Variants in ABCA1 observed in about 807,000 individuals in gnomAD.
The protein encoded by ABCA1 is phospholipid-transporting ATPase ABCA1.
ABCA1 carries 133 observed loss-of-function variants against 262.5 expected under a neutral mutation model. The ratio of observed to expected loss-of-function variants is 0.51; its 90% CI spans 0.44 to 0.59. The LOEUF is 0.59. Ranked by LOEUF, ABCA1 falls within the 20% of genes least tolerant of loss-of-function variation. The pLI is 0.00. For missense variants in ABCA1, 2,452 were observed against 2,777.5 expected (o/e 0.88, Z 2.63); for synonymous variants, 1,022 against 1,043.5 (o/e 0.98, Z 0.40).
chr9:104,826,599 G>C (rs906224443), intron 16 of ABCA1, among the ~76,000 whole-genome samples: 6 of 152,188 alleles, frequency 3.9e-5, no homozygotes, highest in Admixed American at 6.5e-5. Flanking sequence ...TTTGTCATGA[G>C]CTTAACATAG....
intron 20 of ABCA1, 98 bp downstream of exon 20, chr9:104,821,275 AAC>A: frequency 6.6e-7 from 1 of 1,516,980 alleles, no homozygotes; most frequent in South Asian, 1.2e-5. Context: ...AAAAAACAAA[AAC>A]ACAGCAAAGT....
rs149163343 is a variant in ABCA1 at position 104,924,941 on chromosome 9, G to A, written c.-93+2994C>T. 2.7e-3 allele frequency among the ~76,000 whole-genome samples: 417 copies of A among 152,304 alleles called. 3 individuals carry two copies. Among genetic ancestry groups the A allele is most frequent in the African/African-American group, 9.6e-3 (398 of 41,566 alleles). On this transcript the variant is annotated intron_variant, in intron 1 of 49. Coordinates refer to ENST00000374736, the MANE Select transcript of ABCA1 (RefSeq NM_005502.4). Reference sequence around the variant, plus strand: ...AAAGCTAAGTCACTGAACTTCTTCAGTTTCATTCATTTTTTTATGTTTACA... The same window carrying A: ...AAAGCTAAGTCACTGAACTTCTTCAATTTCATTCATTTTTTTATGTTTACA...
intron 2 of ABCA1, among the ~76,000 whole-genome samples, chr9:104,890,474 G>A (rs1839618451): frequency 6.6e-6 from 1 of 152,124 alleles, no homozygotes; most frequent in African/African-American, 2.4e-5. Flanking sequence ...CCAGGTACTT[G>A]GGAGGCTGAG....
chr9:104,857,052 C>G (rs769177394), intron 7 of ABCA1, among the ~76,000 whole-genome samples: 1 of 152,106 alleles, frequency 6.6e-6, no homozygotes, highest in Admixed American at 6.5e-5. Context: ...TGCCTTTAAT[C>G]CCAACACTTT....
At chr9:104,796,446 T>C (rs1829904109) in intron 37 of ABCA1, 22 bp from the exon 38 acceptor site, 3 of 1,580,494 alleles carry the variant, frequency 1.9e-6, no homozygotes, top group Non-Finnish European at 2.6e-6. Context: ...AACAAAGACA[T>C]CCAGTTCACC....
intron 1 of ABCA1, among the ~76,000 whole-genome samples, chr9:104,924,802 T>C (rs1409540972): frequency 6.6e-6 from 1 of 152,134 alleles, no homozygotes; most frequent in Non-Finnish European, 1.5e-5. Context: ...ACTACATATA[T>C]AGCTTAAGTA....
chr9:104,846,181 C>A (rs1834858167), intron 7 of ABCA1, among the ~76,000 whole-genome samples: 2 of 152,060 alleles, frequency 1.3e-5, no homozygotes, highest in South Asian at 4.2e-4. Flanking sequence ...TTCATTAGAA[C>A]AGGGAAAAGA....
At position 104,786,288 on chromosome 9, in the gene ABCA1, T is replaced by C. The variant is rs1828924979; in HGVS notation, c.6401+10A>G. 8.7e-6 allele frequency: 14 copies of C among 1,607,218 alleles called. No individual in the cohort carries two copies. Among genetic ancestry groups the C allele is most frequent in the East Asian group, 4.5e-5 (2 of 44,862 alleles). On this transcript the variant is annotated intron_variant, in intron 48 of 49. Transcript: ENST00000374736. ...ACTAGGCACTATCCCAAAGAAATTATCTTTATTACCTATTTTTTAGATGCT... is the reference window on the plus strand; with the variant it reads ...ACTAGGCACTATCCCAAAGAAATTACCTTTATTACCTATTTTTTAGATGCT...
In ABCA1 at chr9:104,788,193, A is replaced by G. The variant is rs1829093749; in HGVS notation, c.6070-139T>C. 3 of 1,182,002 alleles carry G rather than the reference A, an allele frequency of 2.5e-6. No individual in the cohort carries two copies. In the South Asian group the frequency reaches 3.7e-5, roughly 14 times the overall value. The allele number at this position is 1,182,002 out of a possible 1,614,324, so 73.2% of individuals were successfully genotyped here. On this transcript the variant is annotated intron_variant, in intron 45 of 49. Coordinates refer to ENST00000374736, the MANE Select transcript of ABCA1 (RefSeq NM_005502.4). ...TAACCTGACAACTGGTGAGGAGCCA[A>G]AGCAGGGAGAAGGGACTCGTGTGGT...
At chr9:104,826,089 A>T (rs1052833471) in intron 16 of ABCA1, among the ~76,000 whole-genome samples, 1 of 152,140 alleles carries the variant, frequency 6.6e-6, no homozygotes, top group Non-Finnish European at 1.5e-5. Context: ...ATTTGTAACC[A>T]CTCATTATAT....
At chr9:104,872,499 T>C (rs989799390) in intron 5 of ABCA1, among the ~76,000 whole-genome samples, 1 of 152,198 alleles carries the variant, frequency 6.6e-6, no homozygotes, top group Non-Finnish European at 1.5e-5. Flanking sequence ...TCTTTAATCT[T>C]GGACAACAGA....
intron 1 of ABCA1, among the ~76,000 whole-genome samples, chr9:104,926,321 C>A (rs1363907976): frequency 6.6e-6 from 1 of 152,056 alleles, no homozygotes; most frequent in Non-Finnish European, 1.5e-5. Context: ...TATTTTTAAT[C>A]TTATTTCTTT....
chr9:104,888,149 A>G (rs13292582), intron 3 of ABCA1, among the ~76,000 whole-genome samples: 24,105 of 151,934 alleles, frequency 0.16, 2,370 homozygotes, highest in African/African-American at 0.27. Flanking sequence ...CTGTTGCTAT[A>G]TATTGTGAGA....
chr9:104,828,825 G>T, intron 15 of ABCA1, 91 bp downstream of exon 15: 1 of 1,303,992 alleles, frequency 7.7e-7, no homozygotes, highest in Non-Finnish European at 1.1e-6. Flanking sequence ...TCTACCAGAG[G>T]CTTGGATTTT....
intron 14 of ABCA1, among the ~76,000 whole-genome samples, chr9:104,830,707 T>G (rs1055034933): frequency 1.3e-4 from 19 of 151,532 alleles, no homozygotes; most frequent in Admixed American, 3.3e-4. Context: ...AAAATAAAAA[T>G]AAAAAGATAA....
intron 5 of ABCA1, among the ~76,000 whole-genome samples, 159 bp from the exon 6 acceptor site, chr9:104,861,959 T>A (rs1021458414): frequency 3.3e-5 from 5 of 151,672 alleles, no homozygotes; most frequent in Admixed American, 6.6e-5. Flanking sequence ...CATCGCCATA[T>A]CAGGAGAGGC....
chr9:104,837,376 C>G lies in ABCA1; in HGVS notation c.1194+52G>C, dbSNP rs749358772. 4 of 1,611,264 alleles carry G rather than the reference C, an allele frequency of 2.5e-6. No homozygotes were observed. In the South Asian group the frequency reaches 3.3e-5, roughly 13 times the overall value. The stretch of plus-strand genomic sequence containing the variant: ...CTGAAGCTACCTTGAGTTTTTTGCC[C>G]CCAGTTCTGGGGAGATTCTGGGGAG... On this transcript the variant is annotated intron_variant, in intron 10 of 49. Coordinates refer to ENST00000374736, the MANE Select transcript of ABCA1 (RefSeq NM_005502.4).
At chr9:104,826,869 C>T (rs1588318534) in intron 16 of ABCA1, 79 bp downstream of exon 16, 5 of 1,337,562 alleles carry the variant, frequency 3.7e-6, no homozygotes, top group Non-Finnish European at 5.3e-6. Context: ...CTTCTGTTCT[C>T]AACTTGCTGC....
intron 2 of ABCA1, among the ~76,000 whole-genome samples, chr9:104,892,666 G>C (rs564307248): frequency 1.3e-5 from 2 of 152,288 alleles, no homozygotes; most frequent in Admixed American, 1.3e-4. Context: ...GAGTAAATGA[G>C]CTGGTTTAAA....
Sources: allele counts gnomAD v4.1 joint callset (sites outside exome capture counted in the v4.1 genomes callset), GRCh38; gene constraint gnomAD v4.1.1; transcripts MANE v1.5; gene names NCBI Gene and HGNC (gene_info 2026-07-23, HGNC 2026-07-21).